Variants in ACTN2 observed in about 807,000 individuals in gnomAD.
ACTN2 encodes the protein alpha-actinin-2.
ACTN2 carries 39 observed loss-of-function variants against 113.8 expected under a neutral mutation model. The observed-to-expected ratio is 0.34, with a 90% CI of 0.27 to 0.45. The LOEUF is 0.45. Ranked by LOEUF, ACTN2 falls within the 20% of genes least tolerant of loss-of-function variation. The pLI is 1.00. For synonymous variants in ACTN2, 429 were observed against 444.1 expected, an observed-to-expected ratio of 0.97 and a Z score of 0.43; for missense variants, 992 against 1,177.9, an observed-to-expected ratio of 0.84 and a Z score of 2.31.
At chr1:236,732,119 A>C (rs1658727526) in intron 7 of ACTN2, among the ~76,000 whole-genome samples, 1 of 152,256 alleles carries the variant, frequency 6.6e-6, no homozygotes, top group African/African-American at 2.4e-5. Flanking sequence ...GGGGAAAACT[A>C]AGGAAATTGA....
intron 15 of ACTN2, among the ~76,000 whole-genome samples, chr1:236,752,460 CAAAG>C (rs1341321437): frequency 1.7e-5 from 2 of 117,260 alleles, no homozygotes; most frequent in African/African-American, 6.8e-5. Context: ...AACGAACACC[CAAAG>C]AGAGACAGGA....
intron 7 of ACTN2, among the ~76,000 whole-genome samples, chr1:236,731,648 T>A (rs1452471733): frequency 1.3e-5 from 2 of 152,260 alleles, no homozygotes; most frequent in East Asian, 3.8e-4. Flanking sequence ...AACAACATAA[T>A]GTTTTCTCCC....
chr1:236,755,182 C>T lies in ACTN2; in HGVS notation c.2138C>T (p.Thr713Met), dbSNP rs764538888. 6 of 1,613,982 alleles carry T rather than the reference C, an allele frequency of 3.7e-6. No homozygotes were observed. Among genetic ancestry groups the T allele is most frequent in the African/African-American group, 2.7e-5 (2 of 74,902 alleles). ...GCCCTTGTCTTTGACAACAAGCACA[C>T]GAACTACACGATGGAGGTACGGCAG... ...QEALVFDNKHTNYTMEHIRVG... is the reference protein window; with the variant it reads ...QEALVFDNKHMNYTMEHIRVG... Residue 713 changes from threonine to methionine, a missense_variant, in exon 17 of 21, where the codon ACG (threonine) becomes ATG (methionine). Thr to Met is a moderately conservative substitution (Grantham distance 81). Around this residue, in one of 3 missense-constraint regions of ACTN2, gnomAD observed 736 missense variants for 815.4 expected, o/e 0.90. Coordinates refer to ENST00000366578, the MANE Select transcript of ACTN2 (RefSeq NM_001103.4).
At chr1:236,731,679 T>C (rs1658716061) in intron 7 of ACTN2, among the ~76,000 whole-genome samples, 1 of 152,226 alleles carries the variant, frequency 6.6e-6, no homozygotes, top group African/African-American at 2.4e-5. Flanking sequence ...GAGACAAGTG[T>C]AGCAAATAAA....
At chr1:236,725,875 A>T (rs1658535361) in intron 4 of ACTN2, 58 bp from the exon 5 acceptor site, 1 of 1,484,450 alleles carries the variant, frequency 6.7e-7, no homozygotes, top group African/African-American at 1.4e-5. Flanking sequence ...AGTGACTAGG[A>T]GCTAAGTGAA....
chr1:236,713,588 G>A (rs919754623), intron 1 of ACTN2, among the ~76,000 whole-genome samples: 4 of 151,900 alleles, frequency 2.6e-5, no homozygotes, highest in African/African-American at 7.3e-5. Context: ...AAAAAAAGAC[G>A]TGTGTCTGTG....
intron 4 of ACTN2, among the ~76,000 whole-genome samples, 161 bp from the exon 5 acceptor site, chr1:236,725,772 T>C (rs1237568836): frequency 6.6e-6 from 1 of 152,208 alleles, no homozygotes; most frequent in Non-Finnish European, 1.5e-5. Flanking sequence ...CAGAATTTAC[T>C]CACCAAGATC....
At position 236,743,212 on chromosome 1, in the gene ACTN2, A is replaced by G. The variant is rs567508836; in HGVS notation, c.1255+169A>G. ...TGCCAAATTTATTTAAGAGGTAGGC[A>G]TGAAAATTTAGTTTCTAATCACGCA... On this transcript the variant is annotated intron_variant, in intron 11 of 20. Transcript: ENST00000366578. 2.0e-4 allele frequency among the ~76,000 whole-genome samples: 30 copies of G among 152,350 alleles called. No homozygotes were observed. The South Asian group carries it at 5.8e-3, about 29-fold the overall frequency.
At chr1:236,700,380 C>T (rs903171946) in intron 1 of ACTN2, among the ~76,000 whole-genome samples, 1 of 152,106 alleles carries the variant, frequency 6.6e-6, no homozygotes, top group Admixed American at 6.6e-5. Context: ...GGTGACTTTT[C>T]TGAGGCAATA....
At chr1:236,688,639 G>T (rs774814846) in intron 1 of ACTN2, among the ~76,000 whole-genome samples, 5 of 152,112 alleles carry the variant, frequency 3.3e-5, no homozygotes, top group African/African-American at 1.2e-4. Flanking sequence ...TTTAAGGTGA[G>T]AATTTTTTTT....
intron 11 of ACTN2, among the ~76,000 whole-genome samples, chr1:236,743,569 C>CTT (rs59813567): frequency 7.0e-6 from 1 of 143,142 alleles, no homozygotes; most frequent in Non-Finnish European, 1.5e-5. Flanking sequence ...GAATATGGCC[C>CTT]TTTTTTTTTT....
At chr1:236,758,535 C>A (rs180848027) in intron 18 of ACTN2, among the ~76,000 whole-genome samples, 1 of 151,520 alleles carries the variant, frequency 6.6e-6, no homozygotes, top group African/African-American at 2.4e-5. Flanking sequence ...ATGATCCACC[C>A]ACCTTGGCCT....
chr1:236,757,510 C>T lies in ACTN2; in HGVS notation c.2179C>T (p.Leu727=). Residue 727 remains leucine (L), a synonymous_variant, in exon 18 of 21, where the codon CTG becomes TTG. Coordinates refer to ENST00000366578, the MANE Select transcript of ACTN2 (RefSeq NM_001103.4). The part of the protein sequence containing the change: ...MEHIRVGWEL[L]LTTIARTINE... ...GCACATTCGTGTTGGATGGGAGCTG[C>T]TGCTGACAACCATCGCCAGAACCAT... The T allele has an allele frequency of 6.2e-7, 1 of 1,614,140 alleles. No homozygotes were observed. The highest frequency in any genetic ancestry group is 1.1e-5 in the South Asian group (1 of 91,084).
chr1:236,760,883 G>A, intron 19 of ACTN2, 132 bp from the exon 20 acceptor site: 1 of 1,184,392 alleles, frequency 8.4e-7, no homozygotes, highest in South Asian at 1.3e-5. Context: ...TCCAAAGACT[G>A]AAGGGAAACG....
At chr1:236,753,834 C>G in intron 15 of ACTN2, 113 bp from the exon 16 acceptor site, 2 of 1,229,782 alleles carry the variant, frequency 1.6e-6, no homozygotes, top group Non-Finnish European at 2.3e-6. Flanking sequence ...CTCCTCCCTT[C>G]GTTTCTCCTT....
chr1:236,754,666 C>T lies in ACTN2; in HGVS notation c.1975-353C>T, dbSNP rs1468964918. Among the ~76,000 whole-genome samples, 4 of 151,908 alleles carry T rather than the reference C, an allele frequency of 2.6e-5. No homozygotes were observed. Among genetic ancestry groups the T allele is most frequent in the Non-Finnish European group, 4.4e-5 (3 of 68,042 alleles). Reference sequence around the variant, plus strand: ...GGGTCTTCAATCTGTCTGGCAGCTCCACCCAGGCAGCCCACCCCCAGCCTC... The same window carrying T: ...GGGTCTTCAATCTGTCTGGCAGCTCTACCCAGGCAGCCCACCCCCAGCCTC... On this transcript the variant is annotated intron_variant, in intron 16 of 20. Coordinates refer to ENST00000366578, the MANE Select transcript of ACTN2 (RefSeq NM_001103.4). The surrounding 1 kb of genome is among the most constrained non-coding windows in gnomAD (Gnocchi z 4.9).
chr1:236,699,604 G>A (rs1657615361), intron 1 of ACTN2, among the ~76,000 whole-genome samples: 1 of 152,178 alleles, frequency 6.6e-6, no homozygotes, highest in African/African-American at 2.4e-5. Context: ...AGAGGCAGGA[G>A]CATAGATTAG....
At chr1:236,737,487 G>A (rs1333017039) in intron 9 of ACTN2, among the ~76,000 whole-genome samples, 2 of 150,522 alleles carry the variant, frequency 1.3e-5, no homozygotes, top group African/African-American at 2.4e-5. Context: ...AGGAGAATGC[G>A]ATTCTCTGCT....
intron 8 of ACTN2, chr1:236,736,493 C>A: frequency 9.3e-7 from 1 of 1,071,728 alleles, no homozygotes; most frequent in Non-Finnish European, 1.4e-6. Context: ...GCCACTCCTG[C>A]CCCAAGTTCC....
Sources: gnomAD v4.1 joint callset for allele counts (sites outside exome capture counted in the v4.1 genomes callset) on GRCh38, gnomAD v4.1.1 for gene constraint, gnomAD v4.1.1 regional missense constraint, Gnocchi (gnomAD v3.1) non-coding constraint, MANE v1.5 for transcripts, NCBI Gene and HGNC (gene_info 2026-07-23, HGNC 2026-07-21) for gene names.